EBF1: variants seen among roughly 807,000 people sequenced by gnomAD.
The protein encoded by EBF1 is EBF transcription factor 1, also known as transcription factor COE1.
Under a neutral mutation model 68.4 loss-of-function variants are expected in EBF1, and 10 were observed. The ratio of observed to expected loss-of-function variants is 0.15; its 90% CI spans 0.09 to 0.25. The LOEUF (loss-of-function observed/expected upper bound fraction) is 0.25. EBF1 is among the 10% of genes least tolerant of loss of function. The pLI, the probability that EBF1 is intolerant of heterozygous loss-of-function variation, is 1.00. For synonymous variants in EBF1, 298 were observed against 299.8 expected, an observed-to-expected ratio of 0.99 and a Z score of 0.06; for missense variants, 509 against 794.4, an observed-to-expected ratio of 0.64 and a Z score of 4.32.
intron 10 of EBF1, among the ~76,000 whole-genome samples, chr5:158,775,828 A>ACACACT: frequency 7.2e-6 from 1 of 138,250 alleles, no homozygotes; most frequent in African/African-American, 2.7e-5. Context: ...ACACACACAC[A>ACACACT]CTGCTATGTG....
intron 8 of EBF1, among the ~76,000 whole-genome samples, chr5:158,820,965 T>C (rs985255936): frequency 1.3e-5 from 2 of 152,156 alleles, no homozygotes; most frequent in Non-Finnish European, 2.9e-5. Context: ...TTGTAATTAG[T>C]TACCAACAAT....
intron 6 of EBF1, among the ~76,000 whole-genome samples, chr5:158,895,054 A>T (rs1801900547): frequency 6.6e-6 from 1 of 152,220 alleles, no homozygotes; most frequent in Non-Finnish European, 1.5e-5. Flanking sequence ...AATCAATTTC[A>T]GTCTATAAGA....
chr5:158,945,578 A>G lies in EBF1; in HGVS notation c.555-105468T>C, dbSNP rs537141062. 4.6e-5 allele frequency among the ~76,000 whole-genome samples: 7 copies of G among 152,324 alleles called. No homozygotes were observed. In the South Asian group the frequency reaches 1.2e-3, roughly 27 times the overall value. On this transcript the variant is annotated intron_variant, in intron 6 of 15. Coordinates refer to ENST00000313708, the MANE Select transcript of EBF1 (RefSeq NM_024007.5). The stretch of plus-strand genomic sequence containing the variant: ...ATGGGCTTCCCTTTGTGGGTAACCC[A>G]ACCTTTCTCTCTGGCTGTCCTTAAC...
At chr5:158,816,108 C>T (rs1783688380) in intron 8 of EBF1, among the ~76,000 whole-genome samples, 1 of 152,180 alleles carries the variant, frequency 6.6e-6, no homozygotes, top group Non-Finnish European at 1.5e-5. Context: ...ATGATCTTGC[C>T]TTAGTGGGCT....
intron 10 of EBF1, among the ~76,000 whole-genome samples, chr5:158,757,001 A>C (rs905512591): frequency 6.6e-6 from 1 of 151,582 alleles, no homozygotes; most frequent in African/African-American, 2.4e-5. Flanking sequence ...AAAGAAAAAG[A>C]AAGTGGGCTC....
intron 6 of EBF1, among the ~76,000 whole-genome samples, chr5:159,010,796 C>T (rs957662797): frequency 2.0e-5 from 3 of 152,180 alleles, no homozygotes; most frequent in Admixed American, 2.0e-4. Flanking sequence ...CTCCATGAGC[C>T]CCGTAACGAG....
At chr5:159,025,268 T>C (rs1267205015) in intron 6 of EBF1, among the ~76,000 whole-genome samples, 5 of 152,210 alleles carry the variant, frequency 3.3e-5, no homozygotes, top group African/African-American at 1.2e-4. Flanking sequence ...GCTCTTCTTA[T>C]ATTTTACACA....
In EBF1 at chr5:158,706,482, T is replaced by G. The variant is rs77955252; in HGVS notation, c.1744+1497A>C. Among the ~76,000 whole-genome samples the G allele has an allele frequency of 3.4e-3, 519 of 152,330 alleles. 3 individuals carry two copies. The highest frequency in any genetic ancestry group is 0.012 in the African/African-American group (501 of 41,572). On this transcript the variant is annotated intron_variant, in intron 15 of 15. Coordinates refer to ENST00000313708, the MANE Select transcript of EBF1 (RefSeq NM_024007.5). ...AAGTTTCCCATCTGTATAATGGGAC[T>G]AGTGCTGACATCATACGGTCTTCAG...
chr5:158,796,198 C>G, intron 9 of EBF1, 147 bp downstream of exon 9: 1 of 857,652 alleles, frequency 1.2e-6, no homozygotes. Context: ...CAAACCAACT[C>G]TTCTAGTTTC....
intron 6 of EBF1, among the ~76,000 whole-genome samples, chr5:159,034,148 G>T (rs916729123): frequency 6.6e-6 from 1 of 152,112 alleles, no homozygotes; most frequent in African/African-American, 2.4e-5. Flanking sequence ...ATTTTATTGG[G>T]CTTATTTTGG....
chr5:158,768,471 T>G (rs936589311), intron 10 of EBF1, among the ~76,000 whole-genome samples: 3 of 152,144 alleles, frequency 2.0e-5, no homozygotes, highest in Non-Finnish European at 4.4e-5. Context: ...ACAATATTAA[T>G]AGCTCACATT....
chr5:158,835,134 C>A (rs577671906), intron 7 of EBF1, among the ~76,000 whole-genome samples: 39 of 152,302 alleles, frequency 2.6e-4, no homozygotes, highest in African/African-American at 9.1e-4. Context: ...CAATCTTCAA[C>A]CAATATCATT....
At chr5:158,728,707 G>A (rs763682932) in intron 11 of EBF1, among the ~76,000 whole-genome samples, 7 of 152,158 alleles carry the variant, frequency 4.6e-5, no homozygotes, top group Non-Finnish European at 8.8e-5. Flanking sequence ...TGGACTACGT[G>A]CACACACCAC....
intron 5 of EBF1, chr5:159,073,681 G>T: frequency 1.8e-6 from 1 of 546,346 alleles, no homozygotes; most frequent in Non-Finnish European, 3.2e-6. Context: ...GGAGGTGGGG[G>T]AGAGGGGCTC....
chr5:158,712,057 C>A, intron 14 of EBF1, 97 bp downstream of exon 14: 1 of 1,428,822 alleles, frequency 7.0e-7, no homozygotes, highest in Non-Finnish European at 9.6e-7. Flanking sequence ...AGATGGGGGG[C>A]CTCAGACCGA....
At chr5:158,805,018 C>T (rs1480008429) in intron 8 of EBF1, among the ~76,000 whole-genome samples, 2 of 152,114 alleles carry the variant, frequency 1.3e-5, no homozygotes, top group Non-Finnish European at 2.9e-5. Flanking sequence ...TAACTCTCTT[C>T]ATCCTGACAA....
At chr5:158,813,884 C>T (rs1783176975) in intron 8 of EBF1, among the ~76,000 whole-genome samples, 1 of 152,176 alleles carries the variant, frequency 6.6e-6, no homozygotes, top group Admixed American at 6.5e-5. Context: ...CACATCAAAG[C>T]TTCCACTTGC....
At chr5:158,825,734 T>A (rs1785957211) in intron 7 of EBF1, among the ~76,000 whole-genome samples, 1 of 152,014 alleles carries the variant, frequency 6.6e-6, no homozygotes, top group South Asian at 2.1e-4. Flanking sequence ...CAATCAAAAT[T>A]GGAAAAAAGA....
chr5:158,968,625 A>G (rs1266649782), intron 6 of EBF1, among the ~76,000 whole-genome samples: 2 of 152,206 alleles, frequency 1.3e-5, no homozygotes, highest in African/African-American at 4.8e-5. Flanking sequence ...GACAAAACAC[A>G]TACTTAAAAA....
Sources: gnomAD v4.1 joint callset for allele counts (sites outside exome capture counted in the v4.1 genomes callset) on GRCh38, gnomAD v4.1.1 for gene constraint, MANE v1.5 for transcripts, NCBI Gene and HGNC (gene_info 2026-07-23, HGNC 2026-07-21) for gene names.